The following SAMMSON variants were observed in gnomAD, a reference collection of about 807,000 sequenced individuals.
SAMMSON encodes long intergenic non-protein coding RNA 1212.
chr3:70,104,855 C>A (rs2067361104), intron 4 of SAMMSON, among the ~76,000 whole-genome samples: 1 of 152,074 alleles, frequency 6.6e-6, no homozygotes, highest in Admixed American at 6.6e-5. Context: ...GGGAAGTAAT[C>A]TGGCAAATTT....
At chr3:70,109,267 A>G (rs138050863) in intron 4 of SAMMSON, among the ~76,000 whole-genome samples, 25 of 152,210 alleles carry the variant, frequency 1.6e-4, no homozygotes, top group African/African-American at 5.8e-4. Context: ...TGTCCCGGTA[A>G]TTGATTGACC....
At chr3:70,162,926 A>G (rs1249579300) in intron 4 of SAMMSON, among the ~76,000 whole-genome samples, 4 of 151,904 alleles carry the variant, frequency 2.6e-5, no homozygotes, top group African/African-American at 7.2e-5. Flanking sequence ...TTTTAATCTT[A>G]AAGTCTATTT....
intron 4 of SAMMSON, among the ~76,000 whole-genome samples, chr3:70,192,541 C>G (rs549064128): frequency 2.0e-5 from 3 of 152,270 alleles, no homozygotes; most frequent in African/African-American, 7.2e-5. Context: ...CAATGAATGT[C>G]CTGGCCTCCC....
chr3:70,020,518 A>C (rs1236035935), intron 3 of SAMMSON, among the ~76,000 whole-genome samples: 1 of 152,150 alleles, frequency 6.6e-6, no homozygotes, highest in Non-Finnish European at 1.5e-5. Context: ...GGCTGCAGGC[A>C]AACTTGTCAA....
At chr3:70,058,778 A>G (rs1331726322) in intron 3 of SAMMSON, among the ~76,000 whole-genome samples, 1 of 152,124 alleles carries the variant, frequency 6.6e-6, no homozygotes, top group East Asian at 1.9e-4. Context: ...TGTATATACC[A>G]TCATATAAAT....
In SAMMSON at chr3:70,422,195, G is replaced by A. The variant is rs540070710; in HGVS notation, n.234-40365G>A. On this transcript the variant is annotated intron_variant and non_coding_transcript_variant, in intron 2 of 3. Transcript: ENST00000641053. ...AAAATGAATATTAAAAGAGAGGACA[G>A]AGGCATAAAATGAAAAAAATTGTTA... is the stretch of plus-strand genomic sequence containing the variant. Among the ~76,000 whole-genome samples the A allele has an allele frequency of 1.1e-4, 16 of 152,042 alleles. No homozygotes were observed. The South Asian group carries it at 2.1e-3, about 20-fold the overall frequency.
intron 7 of SAMMSON, among the ~76,000 whole-genome samples, chr3:70,351,933 T>G (rs1023860867): frequency 6.6e-6 from 1 of 151,928 alleles, no homozygotes; most frequent in African/African-American, 2.4e-5. Flanking sequence ...ACAATATAAA[T>G]GATTTCATCT....
intron 6 of SAMMSON, among the ~76,000 whole-genome samples, chr3:70,263,689 C>T (rs1183538451): frequency 6.6e-6 from 1 of 152,202 alleles, no homozygotes; most frequent in African/African-American, 2.4e-5. Context: ...ATCTACCGAG[C>T]TCCCTTCTCT....
chr3:70,158,648 A>G (rs939834406), intron 4 of SAMMSON, among the ~76,000 whole-genome samples: 1 of 152,070 alleles, frequency 6.6e-6, no homozygotes, highest in African/African-American at 2.4e-5. Flanking sequence ...AAATTTAGAC[A>G]CATCAAGAGA....
intron 6 of SAMMSON, among the ~76,000 whole-genome samples, chr3:70,261,511 A>G (rs780816111): frequency 1.2e-4 from 18 of 152,164 alleles, no homozygotes; most frequent in Non-Finnish European, 2.4e-4. Context: ...ATTAATAATT[A>G]CATTTCAATT....
chr3:70,266,680 A>G (rs1701919668), intron 6 of SAMMSON, among the ~76,000 whole-genome samples: 1 of 152,128 alleles, frequency 6.6e-6, no homozygotes, highest in East Asian at 1.9e-4. Flanking sequence ...TCCTAGGCCC[A>G]AGAGATTCTT....
chr3:70,093,825 A>G (rs1210200919), intron 4 of SAMMSON, among the ~76,000 whole-genome samples: 1 of 152,122 alleles, frequency 6.6e-6, no homozygotes, highest in African/African-American at 2.4e-5. Flanking sequence ...GCAAAACCAT[A>G]TTGGCCCATT....
intron 6 of SAMMSON, among the ~76,000 whole-genome samples, chr3:70,280,747 C>A (rs1466276584): frequency 2.6e-5 from 4 of 152,138 alleles, no homozygotes; most frequent in African/African-American, 9.7e-5. Flanking sequence ...GTTTCCCCCG[C>A]CTTTCTGTGT....
chr3:70,347,012 G>C (rs945816883), intron 7 of SAMMSON, among the ~76,000 whole-genome samples: 1 of 152,136 alleles, frequency 6.6e-6, no homozygotes, highest in African/African-American at 2.4e-5. Context: ...ATTGATTACA[G>C]ATCTTAGCAG....
At chr3:70,317,225 T>A (rs1276539053) in intron 7 of SAMMSON, among the ~76,000 whole-genome samples, 2 of 152,058 alleles carry the variant, frequency 1.3e-5, no homozygotes, top group Admixed American at 6.6e-5. Flanking sequence ...CTTACAGGCA[T>A]ATCTTATATT....
intron 4 of SAMMSON, among the ~76,000 whole-genome samples, chr3:70,168,868 C>G (rs574942215): frequency 6.6e-6 from 1 of 152,072 alleles, no homozygotes; most frequent in South Asian, 2.1e-4. Flanking sequence ...ACATTTGGAA[C>G]CCACACCAAT....
At chr3:70,171,850 A>G (rs1201383181) in intron 4 of SAMMSON, among the ~76,000 whole-genome samples, 1 of 151,922 alleles carries the variant, frequency 6.6e-6, no homozygotes, top group African/African-American at 2.4e-5. Flanking sequence ...CACATATTTC[A>G]GGAAGACACC....
At chr3:70,405,743 G>T (rs994769558) in intron 2 of SAMMSON, among the ~76,000 whole-genome samples, 2 of 152,142 alleles carry the variant, frequency 1.3e-5, no homozygotes, top group Non-Finnish European at 2.9e-5. Flanking sequence ...GCTGGACTCC[G>T]GAAGGAGAGG....
rs1371648686 is a variant in SAMMSON at position 70,008,361 on chromosome 3, C to T, written n.23-3996C>T. ...TAGTTCTCCTTGAAGAGGTCCTTCA[C>T]ATCCCTTGTAAGCTGGATTCCTAGG... On this transcript the variant is annotated intron_variant and non_coding_transcript_variant, in intron 1 of 9. Transcript: ENST00000642114. Among the ~76,000 whole-genome samples the T allele has an allele frequency of 3.9e-5, 6 of 152,154 alleles. No homozygotes were observed. In the East Asian group the frequency reaches 1.2e-3, roughly 29 times the overall value.
Sources: gnomAD v4.1 joint callset for allele counts (sites outside exome capture counted in the v4.1 genomes callset) on GRCh38, gnomAD v4.1.1 for gene constraint, MANE v1.5 for transcripts, NCBI Gene and HGNC (gene_info 2026-07-23, HGNC 2026-07-21) for gene names.